The following MDGA2 variants were observed in gnomAD, a reference collection of about 807,000 sequenced individuals.
MDGA2 encodes MAM domain-containing glycosylphosphatidylinositol anchor protein 2.
MDGA2 carries 40 observed loss-of-function variants against 117.8 expected under a neutral mutation model. That is an observed-to-expected ratio of 0.34 (90% CI 0.26 to 0.44). The LOEUF (loss-of-function observed/expected upper bound fraction) is 0.44, where lower values mean the gene tolerates loss of function less well. Among genes scored for constraint, MDGA2 ranks in the 20% least tolerant of loss-of-function variants. The probability of loss-of-function intolerance (pLI) is 1.00; values close to 1 mark genes in which losing one functional copy is unlikely to be tolerated. For missense variants in MDGA2, 1,123 were observed against 1,250.6 expected (o/e 0.90, Z 1.54); for synonymous variants, 452 against 439.0 (o/e 1.03, Z -0.37).
intron 2 of MDGA2, among the ~76,000 whole-genome samples, chr14:47,263,149 T>C (rs909196194): frequency 1.3e-5 from 2 of 152,166 alleles, no homozygotes; most frequent in Admixed American, 6.6e-5. Flanking sequence ...TCTAAGATGC[T>C]ACTACTTTAA....
chr14:47,469,151 CT>C (rs920204791), intron 1 of MDGA2, among the ~76,000 whole-genome samples: 46 of 151,168 alleles, frequency 3.0e-4, no homozygotes, highest in African/African-American at 1.1e-3. Context: ...TCAGCATTTT[CT>C]TTTTTTTTCT....
At chr14:47,520,563 T>A (rs1407423713) in intron 1 of MDGA2, among the ~76,000 whole-genome samples, 1 of 152,208 alleles carries the variant, frequency 6.6e-6, no homozygotes, top group African/African-American at 2.4e-5. Context: ...TTAGTCATTT[T>A]TTTCTATGAC....
chr14:47,613,501 A>ACG (rs1555336480), intron 1 of MDGA2, among the ~76,000 whole-genome samples: 3 of 151,612 alleles, frequency 2.0e-5, no homozygotes, highest in Admixed American at 6.6e-5. Flanking sequence ...ACACACACAC[A>ACG]CACACGCACA....
At chr14:47,098,376 GTCT>G (rs1206382893) in intron 5 of MDGA2, among the ~76,000 whole-genome samples, 1 of 151,184 alleles carries the variant, frequency 6.6e-6, no homozygotes, top group African/African-American at 2.4e-5. Flanking sequence ...TTCATGTTGA[GTCT>G]TCTAACATCA....
intron 1 of MDGA2, among the ~76,000 whole-genome samples, chr14:47,497,255 A>G (rs1164966413): frequency 1.3e-5 from 2 of 152,184 alleles, no homozygotes; most frequent in Non-Finnish European, 2.9e-5. Context: ...AAGATTTTCA[A>G]TGTTGAGTCT....
At chr14:47,203,201 T>C (rs1056277205) in intron 3 of MDGA2, among the ~76,000 whole-genome samples, 1 of 151,950 alleles carries the variant, frequency 6.6e-6, no homozygotes, top group East Asian at 1.9e-4. Flanking sequence ...TTGGCACTAG[T>C]TTCCCCAAAG....
At chr14:46,877,051 A>G (rs1482918875) in intron 12 of MDGA2, among the ~76,000 whole-genome samples, 1 of 151,678 alleles carries the variant, frequency 6.6e-6, no homozygotes, top group Non-Finnish European at 1.5e-5. Context: ...CTAGTGTTCT[A>G]TAAAAGAAAG....
intron 1 of MDGA2, among the ~76,000 whole-genome samples, chr14:47,537,574 TAAAAAAA>T (rs58060138): frequency 0.015 from 541 of 36,492 alleles, 3 homozygotes; most frequent in African/African-American, 0.028. Context: ...TTCTCTCTGT[TAAAAAAA>T]AAAAAAAAAA....
At chr14:47,023,298 T>C (rs1455772171) in intron 8 of MDGA2, among the ~76,000 whole-genome samples, 2 of 147,790 alleles carry the variant, frequency 1.4e-5, no homozygotes, top group African/African-American at 5.0e-5. Flanking sequence ...GTTGTAAAAA[T>C]AGTAGGAATC....
intron 1 of MDGA2, among the ~76,000 whole-genome samples, chr14:47,503,051 C>A (rs939348489): frequency 1.3e-5 from 2 of 152,260 alleles, no homozygotes; most frequent in African/African-American, 4.8e-5. Context: ...CACACATACA[C>A]AAATGCCCCG....
intron 4 of MDGA2, among the ~76,000 whole-genome samples, chr14:47,134,756 G>GTA (rs1411726311): frequency 1.3e-5 from 2 of 149,202 alleles, no homozygotes; most frequent in Non-Finnish European, 3.0e-5. Flanking sequence ...ATTTATGTGT[G>GTA]TATATATACA....
At chr14:47,499,163 TAGTCCATAATATAATATAA>T (rs1454199582) in intron 1 of MDGA2, among the ~76,000 whole-genome samples, 4 of 152,152 alleles carry the variant, frequency 2.6e-5, no homozygotes, top group Non-Finnish European at 5.9e-5. Context: ...CAGCTGGAAC[TAGTCCATAATATAATATAA>T]TGGAACAAAG....
At chr14:47,115,122 A>G (rs1237240836) in intron 5 of MDGA2, among the ~76,000 whole-genome samples, 1 of 152,112 alleles carries the variant, frequency 6.6e-6, no homozygotes, top group Non-Finnish European at 1.5e-5. Context: ...TAAAATAAAT[A>G]AAAGCATTCA....
chr14:47,570,579 A>C (rs1000771769), intron 1 of MDGA2, among the ~76,000 whole-genome samples: 2 of 152,068 alleles, frequency 1.3e-5, no homozygotes, highest in African/African-American at 4.8e-5. Context: ...TCTTAAAAAT[A>C]TACAGCCCCA....
rs564340058 is a variant in MDGA2, at chr14:47,410,204, A to T, written c.281-108654T>A. ...GAACTAAAGGCTTTAACCATTTAGCACCAAGAAAAGCATAATTAACCTGGA... is the reference window on the plus strand; with the variant it reads ...GAACTAAAGGCTTTAACCATTTAGCTCCAAGAAAAGCATAATTAACCTGGA... On this transcript the variant is annotated intron_variant, in intron 1 of 16. Coordinates refer to ENST00000399232, the MANE Select transcript of MDGA2 (RefSeq NM_001113498.3). 1.7e-4 allele frequency among the ~76,000 whole-genome samples: 26 copies of T among 152,258 alleles called. 1 individual carries two copies. Among genetic ancestry groups the T allele is most frequent in the African/African-American group, 6.0e-4 (25 of 41,566 alleles).
At chr14:47,334,179 C>T (rs1408555624) in intron 1 of MDGA2, among the ~76,000 whole-genome samples, 1 of 151,638 alleles carries the variant, frequency 6.6e-6, no homozygotes, top group Non-Finnish European at 1.5e-5. Context: ...ACAGCACAGA[C>T]TTAGTACAGA....
intron 8 of MDGA2, among the ~76,000 whole-genome samples, chr14:47,004,088 T>A (rs1347041876): frequency 6.6e-6 from 1 of 151,912 alleles, no homozygotes; most frequent in Non-Finnish European, 1.5e-5. Context: ...TATGTAAAGG[T>A]GTTTCAGAAC....
chr14:46,871,840 G>A (rs1182263414), intron 14 of MDGA2: 1 of 344,882 alleles, frequency 2.9e-6, no homozygotes, highest in Admixed American at 2.7e-5. Context: ...CAAGTTTATA[G>A]TAGTTTAACT....
chr14:47,178,009 AT>A (rs1251436095), intron 3 of MDGA2, among the ~76,000 whole-genome samples: 2 of 152,126 alleles, frequency 1.3e-5, no homozygotes, highest in Admixed American at 1.3e-4. Flanking sequence ...TCCATGGCTA[AT>A]AGTGTCACAA....
Sources: allele counts gnomAD v4.1 joint callset (sites outside exome capture counted in the v4.1 genomes callset), GRCh38; gene constraint gnomAD v4.1.1; transcripts MANE v1.5; gene names NCBI Gene and HGNC (gene_info 2026-07-23, HGNC 2026-07-21).